Variants in PACS2 observed in about 807,000 individuals in gnomAD.
PACS2 encodes PACS1-like protein.
Under a neutral mutation model 113.0 loss-of-function variants are expected in PACS2, and 36 were observed. The ratio of observed to expected loss-of-function variants is 0.32; its 90% CI spans 0.24 to 0.42. The LOEUF (loss-of-function observed/expected upper bound fraction) is 0.42. PACS2 is among the 10% of genes least tolerant of loss of function. The pLI is 1.00. For synonymous variants in PACS2, 589 were observed against 536.1 expected (o/e 1.10, Z -1.36); for missense variants, 1,015 against 1,239.5 (o/e 0.82, Z 2.72).
At chr14:105,347,408 G>A (rs1405225328) in intron 1 of PACS2, among the ~76,000 whole-genome samples, 5 of 152,150 alleles carry the variant, frequency 3.3e-5, no homozygotes, top group African/African-American at 9.7e-5. Context: ...ACGGAAGCAC[G>A]TGGCGGCCAC....
intron 8 of PACS2, chr14:105,374,593 T>G (rs2061276160): frequency 6.6e-6 from 1 of 152,136 alleles, no homozygotes; most frequent in Admixed American, 6.5e-5. Flanking sequence ...TACTGAGAAG[T>G]CGACCAGGAA....
chr14:105,313,315 AC>A (rs1197266242), upstream of PACS2, among the ~76,000 whole-genome samples: 4 of 151,916 alleles, frequency 2.6e-5, no homozygotes, highest in East Asian at 7.7e-4. Flanking sequence ...GGGTATGGCT[AC>A]CCCCTCTCTG....
intron 14 of PACS2, 94 bp downstream of exon 14, chr14:105,382,675 T>C: frequency 3.1e-6 from 3 of 959,712 alleles, no homozygotes; most frequent in Non-Finnish European, 3.3e-6. Flanking sequence ...ACCTGGGTGC[T>C]GGAGCTGCTG....
At chr14:105,347,161 A>G (rs1555402838) in intron 1 of PACS2, among the ~76,000 whole-genome samples, 2 of 148,232 alleles carry the variant, frequency 1.3e-5, no homozygotes, top group African/African-American at 5.0e-5. Context: ...GAGTGTAGAC[A>G]GTGTAGTAGA....
chr14:105,332,688 G>A (rs974676399), intron 1 of PACS2, among the ~76,000 whole-genome samples: 3 of 152,182 alleles, frequency 2.0e-5, no homozygotes, highest in South Asian at 2.1e-4. Context: ...TGGTCCTCTC[G>A]TGGGCGGTCC....
rs1027374552 is a variant in PACS2, at chr14:105,323,921, C to T, written c.119+8884C>T. On this transcript the variant is annotated intron_variant, in intron 1 of 24. Coordinates refer to ENST00000447393, the MANE Select transcript of PACS2 (RefSeq NM_001100913.3). The surrounding 1 kb of genome is among the most constrained non-coding windows in gnomAD (Gnocchi z 4.1). ...GCCCATCGCCGTGGCCTGCACGGTG[C>T]GTGCACACCGCTCTGTCCGCGCAGG... Among the ~76,000 whole-genome samples the T allele has an allele frequency of 2.6e-5, 4 of 152,220 alleles. No individual in the cohort carries two copies. Among genetic ancestry groups the T allele is most frequent in the African/African-American group, 4.8e-5 (2 of 41,460 alleles).
At chr14:105,383,553 C>T in intron 16 of PACS2, 40 bp downstream of exon 16, 1 of 1,542,746 alleles carries the variant, frequency 6.5e-7, no homozygotes, top group South Asian at 1.2e-5. Context: ...GGCACAGATG[C>T]CACGGGCAGT....
At chr14:105,364,738 C>G (rs2060885728) in intron 4 of PACS2, among the ~76,000 whole-genome samples, 1 of 148,542 alleles carries the variant, frequency 6.7e-6, no homozygotes, top group South Asian at 2.1e-4. Flanking sequence ...ACTTTGCCAC[C>G]CAGGCTGGAG....
rs2058971235 is a variant in PACS2, at chr14:105,323,393, T to G, written c.119+8356T>G. Among the ~76,000 whole-genome samples, 1 of 152,198 alleles carries G rather than the reference T, an allele frequency of 6.6e-6. No individual in the cohort carries two copies. The highest frequency in any genetic ancestry group is 2.1e-4 in the South Asian group (1 of 4,830). On this transcript the variant is annotated intron_variant, in intron 1 of 24. Transcript: ENST00000447393. The surrounding 1 kb of genome is among the most constrained non-coding windows in gnomAD (Gnocchi z 4.1). ...GCCCTTCCCCCTGCCTCTGTCCACG[T>G]GCAGGGGCGTCTCCTCAGGACGCAT... is the stretch of plus-strand genomic sequence containing the variant.
At chr14:105,385,325 G>A (rs1418197351) in intron 18 of PACS2, among the ~76,000 whole-genome samples, 1 of 152,242 alleles carries the variant, frequency 6.6e-6, no homozygotes, top group African/African-American at 2.4e-5. Context: ...CCACAGCCTG[G>A]GTTTCTCGGG....
rs2140747324 is a variant in PACS2, at chr14:105,314,938, T to C, written c.20T>C (p.Leu7Pro). ...GGCGCCATGGCCGAGCGAGGCCGCC[T>C]CGGCCTCCCCGGCGCGCCCGGCGCG... MAERGR[L>P]GLPGAPGALN... The change falls in exon 1 of 25, where the codon CTC becomes CCC. Residue 7 changes from leucine (L) to proline (P), a missense_variant. This residue lies in a region of PACS2 where 140 missense variants were observed against 135.1 expected (regional missense o/e 1.04). Coordinates refer to ENST00000447393, the MANE Select transcript of PACS2 (RefSeq NM_001100913.3). 1.8e-6 allele frequency: 2 copies of C among 1,139,040 alleles called. No individual in the cohort carries two copies. Among genetic ancestry groups the C allele is most frequent in the South Asian group, 2.0e-5 (1 of 50,426 alleles). 70.6% of individuals were successfully genotyped at this position (1,139,040 alleles called of 1,614,324 possible).
intron 4 of PACS2, among the ~76,000 whole-genome samples, chr14:105,363,630 C>G (rs1555407173): frequency 3.3e-5 from 5 of 152,286 alleles, no homozygotes; most frequent in East Asian, 1.9e-4. Context: ...GCCACTCACT[C>G]TCTCCACACC....
intron 1 of PACS2, among the ~76,000 whole-genome samples, chr14:105,321,220 A>G (rs187117328): frequency 2.8e-4 from 43 of 152,290 alleles, no homozygotes; most frequent in African/African-American, 1.0e-3. Flanking sequence ...TTGATGGTGC[A>G]GTGTTTGTCT....
At chr14:105,379,660 TGTG>T in intron 9 of PACS2, 76 bp from the exon 10 acceptor site, 1 of 1,131,586 alleles carries the variant, frequency 8.8e-7, no homozygotes, top group Non-Finnish European at 1.3e-6. Context: ...TCCCTCCAGG[TGTG>T]GTGGGAGAAC....
At chr14:105,319,379 A>G (rs981242835) in intron 1 of PACS2, among the ~76,000 whole-genome samples, 5 of 152,224 alleles carry the variant, frequency 3.3e-5, no homozygotes, top group Non-Finnish European at 4.4e-5. Flanking sequence ...CAAGCTATTT[A>G]CTTAGGTCTT....
Position 105,392,750 on chromosome 14 carries a change from G to A in PACS2, c.2387G>A (p.Arg796Gln), listed in dbSNP as rs146590511. 51 of 1,612,306 alleles carry A rather than the reference G, an allele frequency of 3.2e-5. No individual in the cohort carries two copies. Among genetic ancestry groups the A allele is most frequent in the Non-Finnish European group, 4.2e-5 (49 of 1,179,990 alleles). The change falls in exon 23 of 25, where the codon CGG (arginine) becomes CAG (glutamine). Residue 796 changes from arginine to glutamine, a missense_variant. Physicochemically the swap from Arg to Gln is conservative, Grantham distance 43. Coordinates refer to ENST00000447393, the MANE Select transcript of PACS2 (RefSeq NM_001100913.3). ...VTKNTLKCTF[R>Q]SLQVSRLPSS... Reference sequence around the variant, plus strand: ...AAAAACACGCTCAAGTGCACTTTCCGGTCCCTCCAGGTCAGCAGGCTGCCC... The same window carrying A: ...AAAAACACGCTCAAGTGCACTTTCCAGTCCCTCCAGGTCAGCAGGCTGCCC...
intron 19 of PACS2, 182 bp from the exon 20 acceptor site, chr14:105,389,779 A>T (rs1037022075): frequency 6.2e-6 from 4 of 648,922 alleles, no homozygotes; most frequent in Non-Finnish European, 1.1e-5. Flanking sequence ...GGGCCAGGCC[A>T]GGGCTGGCAG....
In PACS2 at chr14:105,362,867, T is replaced by C. The variant is rs1447287420; in HGVS notation, c.424-4346T>C. Among the ~76,000 whole-genome samples the C allele has an allele frequency of 3.3e-5, 5 of 152,146 alleles. No homozygotes were observed. The East Asian group carries it at 9.6e-4, about 29-fold the overall frequency. On this transcript the variant is annotated intron_variant, in intron 4 of 24. Transcript: ENST00000447393. ...CTCCAACTCAAATAATAATAAGACT[T>C]GAAAGTTGAAATGACTCCTTGATGC...
At chr14:105,368,372 T>C (rs1432929346) in intron 6 of PACS2, 87 bp from the exon 7 acceptor site, 2 of 1,065,804 alleles carry the variant, frequency 1.9e-6, no homozygotes, top group Non-Finnish European at 1.5e-6. Context: ...GTGCCGGGCC[T>C]CTCCCATCGC....
Sources: allele counts gnomAD v4.1 joint callset (sites outside exome capture counted in the v4.1 genomes callset), GRCh38; gene constraint gnomAD v4.1.1; regional missense constraint gnomAD v4.1.1; non-coding constraint Gnocchi (gnomAD v3.1); transcripts MANE v1.5; gene names NCBI Gene and HGNC (gene_info 2026-07-23, HGNC 2026-07-21).